MCM5: variants seen among roughly 807,000 people sequenced by gnomAD.
MCM5 encodes the protein minichromosome maintenance complex component 5, also known as DNA replication licensing factor MCM5.
MCM5 carries 46 observed loss-of-function variants against 79.9 expected under a neutral mutation model. The ratio of observed to expected loss-of-function variants is 0.58; its 90% CI spans 0.45 to 0.74. The LOEUF is 0.74. MCM5 is among the 30% of genes least tolerant of loss of function. The pLI is 0.00. For synonymous variants in MCM5, 404 were observed against 390.5 expected, an observed-to-expected ratio of 1.03 and a Z score of -0.41; for missense variants, 883 against 1,017.0, an observed-to-expected ratio of 0.87 and a Z score of 1.79.
At chr22:35,408,729 T>C (rs954686974) in intron 6 of MCM5, among the ~76,000 whole-genome samples, 166 bp downstream of exon 6, 3 of 152,238 alleles carry the variant, frequency 2.0e-5, no homozygotes, top group African/African-American at 7.2e-5. Flanking sequence ...TAAGTTCCTC[T>C]CATCTCGTCT....
the MCM5 span, among the ~76,000 whole-genome samples, chr22:35,440,803 A>G: frequency 4.4e-4 from 67 of 152,168 alleles, 1 homozygote; most frequent in Middle Eastern, 0.017. Flanking sequence ...CGCACTTGTA[A>G]TCCCAGCACT....
Position 35,400,568 on chromosome 22 carries a change from G to T in MCM5, c.130G>T (p.Val44Leu). 6.2e-7 allele frequency: 1 copy of T among 1,613,602 alleles called. No individual in the cohort carries two copies. ...CAAGGAGTTCCTGCGGCAGTACCGA[G>T]TGGGCACCGACCGCACGGGCTTCAC... ...RFKEFLRQYR[V>L]GTDRTGFTFK... Residue 44 changes from valine (V) to leucine (L), a missense_variant, in exon 2 of 17, where the codon GTG (valine) becomes TTG (leucine). Around this residue, in one of 3 missense-constraint regions of MCM5, gnomAD observed 455 missense variants for 517.5 expected, o/e 0.88. Coordinates refer to ENST00000216122, the MANE Select transcript of MCM5 (RefSeq NM_006739.4).
At chr22:35,403,734 A>G (rs893432383) in intron 4 of MCM5, among the ~76,000 whole-genome samples, 192 bp downstream of exon 4, 16 of 152,230 alleles carry the variant, frequency 1.1e-4, no homozygotes, top group African/African-American at 3.9e-4. Context: ...AGAGAGTAGT[A>G]TAATGAATCC....
At chr22:35,400,307 T>G in intron 1 of MCM5, 99 bp downstream of exon 1, 2 of 1,003,160 alleles carry the variant, frequency 2.0e-6, no homozygotes, top group Non-Finnish European at 3.1e-6. Context: ...GAACTGGGGT[T>G]GGAGTCCGGG....
At chr22:35,446,287 T>C in the MCM5 span, among the ~76,000 whole-genome samples, 24 of 152,270 alleles carry the variant, frequency 1.6e-4, no homozygotes, top group African/African-American at 3.6e-4. Context: ...GTCCCTGCCA[T>C]GATCCTATGA....
At chr22:35,410,968 C>T in intron 7 of MCM5, 58 bp downstream of exon 7, 1 of 1,495,186 alleles carries the variant, frequency 6.7e-7, no homozygotes. Flanking sequence ...TTGCATACTT[C>T]TGGTAACAGG....
Position 35,424,443 on chromosome 22 carries a change from C to A in MCM5, c.*188C>A. 1 of 546,344 alleles carries A rather than the reference C, an allele frequency of 1.8e-6. No individual in the cohort carries two copies. The highest frequency in any genetic ancestry group is 3.2e-6 in the Non-Finnish European group (1 of 309,782). 33.8% of individuals were successfully genotyped at this position (546,344 alleles called of 1,614,324 possible). A position where few individuals can be genotyped will look rare whatever the true frequency, so the allele number is the denominator to read the frequency against. On this transcript the variant is annotated 3_prime_UTR_variant, in exon 17 of 17. Coordinates refer to ENST00000216122, the MANE Select transcript of MCM5 (RefSeq NM_006739.4). ...TGCCTCTGGGCGCCCGCCTCTAGCGCGGTTCTGGGAAGTGTGCTTTTGGCA... is the reference window on the plus strand; with the variant it reads ...TGCCTCTGGGCGCCCGCCTCTAGCGAGGTTCTGGGAAGTGTGCTTTTGGCA...
intron 7 of MCM5, among the ~76,000 whole-genome samples, chr22:35,412,135 C>A (rs139689757): frequency 2.0e-5 from 3 of 152,220 alleles, no homozygotes; most frequent in Non-Finnish European, 2.9e-5. Flanking sequence ...CCCCAGTGTT[C>A]GTCTCCACCT....
chr22:35,421,212 A>T, intron 14 of MCM5, 106 bp from the exon 15 acceptor site: 1 of 1,186,164 alleles, frequency 8.4e-7, no homozygotes, highest in Non-Finnish European at 1.2e-6. Context: ...AGCAGTCTCC[A>T]CCACAGTCTT....
At chr22:35,405,675 G>C (rs1932191324) in intron 4 of MCM5, among the ~76,000 whole-genome samples, 1 of 152,064 alleles carries the variant, frequency 6.6e-6, no homozygotes, top group Non-Finnish European at 1.5e-5. Flanking sequence ...CCTTTGAAGA[G>C]TCATTTTTAA....
chr22:35,400,327 G>A, intron 1 of MCM5, 104 bp from the exon 2 acceptor site: 1 of 1,315,472 alleles, frequency 7.6e-7, no homozygotes, highest in Non-Finnish European at 1.1e-6. Context: ...GAGCGCGGCC[G>A]GGGGTCCCCC....
chr22:35,416,822 CA>C lies in MCM5; in HGVS notation c.1590+9del, dbSNP rs1306647371. 6.2e-7 allele frequency: 1 copy of C among 1,612,440 alleles called. No individual in the cohort carries two copies. The highest frequency in any genetic ancestry group is 1.1e-5 in the South Asian group (1 of 91,002). ...AATGAGGAGAGGGATGTGGTACGTC[CA>C]GGGGCAGGGCTGGTGGCCATGGGAC... On this transcript the variant is annotated intron_variant, in intron 12 of 16. Coordinates refer to ENST00000216122, the MANE Select transcript of MCM5 (RefSeq NM_006739.4).
the MCM5 span, among the ~76,000 whole-genome samples, chr22:35,442,140 C>A: frequency 6.6e-6 from 1 of 151,998 alleles, no homozygotes; most frequent in African/African-American, 2.4e-5. Context: ...CGTTGTTTCC[C>A]GGCTGTCCTG....
chr22:35,410,741 C>G lies in MCM5; in HGVS notation c.753-3C>G, dbSNP rs943273071. ...TCTCCTTTCTCCTCTACCCTCCTCT[C>G]AGGTACCTGTGTGACAAGGTCGTCC... is the stretch of plus-strand genomic sequence containing the variant. On this transcript the variant is annotated splice_region_variant and splice_polypyrimidine_tract_variant and intron_variant, in intron 6 of 16. Transcript: ENST00000216122. 1.4e-5 allele frequency: 22 copies of G among 1,613,774 alleles called. No homozygotes were observed. The African/African-American group carries it at 2.9e-4, about 22-fold the overall frequency.
In MCM5 at chr22:35,416,625, T is replaced by G. The variant is rs1459359485; in HGVS notation, c.1414-13T>G. 1.2e-6 allele frequency: 2 copies of G among 1,610,636 alleles called. No individual in the cohort carries two copies. Among genetic ancestry groups the G allele is most frequent in the Non-Finnish European group, 1.7e-6 (2 of 1,177,404 alleles). On this transcript the variant is annotated splice_polypyrimidine_tract_variant and intron_variant, in intron 11 of 16. Coordinates refer to ENST00000216122, the MANE Select transcript of MCM5 (RefSeq NM_006739.4). ...CCATCTCCTCCCCCTTTTCGTCGTC[T>G]GTCGCCTGTTAGGCTGGGATCACCA...
chr22:35,424,022 C>T, intron 16 of MCM5, 132 bp from the exon 17 acceptor site: 1 of 603,834 alleles, frequency 1.7e-6, no homozygotes, highest in Non-Finnish European at 3.0e-6. Context: ...ACACAGTGGG[C>T]ACTCAGGAAG....
At chr22:35,405,942 C>T (rs112606994) in intron 4 of MCM5, among the ~76,000 whole-genome samples, 7,105 of 150,632 alleles carry the variant, frequency 0.047, 291 homozygotes, top group Admixed American at 0.13. Flanking sequence ...ACCCGGGAGG[C>T]GGAGGTTGCA....
intron 16 of MCM5, 58 bp downstream of exon 16, chr22:35,423,399 T>A: frequency 1.3e-6 from 2 of 1,526,854 alleles, no homozygotes; most frequent in South Asian, 2.5e-5. Context: ...CTTCTGCTGG[T>A]TCCCACCCAC....
intron 9 of MCM5, 21 bp downstream of exon 9, chr22:35,414,007 T>C (rs1175386872): frequency 6.5e-7 from 1 of 1,540,778 alleles, no homozygotes; most frequent in African/African-American, 1.4e-5. Context: ...TGGGATACCT[T>C]TGCCACCTTG....
Sources: allele counts gnomAD v4.1 joint callset (sites outside exome capture counted in the v4.1 genomes callset), GRCh38; gene constraint gnomAD v4.1.1; regional missense constraint gnomAD v4.1.1; transcripts MANE v1.5; gene names NCBI Gene and HGNC (gene_info 2026-07-23, HGNC 2026-07-21).